The following ABCB1 variants were observed in gnomAD, a reference collection of about 807,000 sequenced individuals.
ABCB1 encodes ATP binding cassette subfamily B member 1, also known as ATP-dependent translocase ABCB1.
In ABCB1, 69 loss-of-function variants were observed where a neutral mutation model predicts 142.0. The ratio of observed to expected loss-of-function variants is 0.49; its 90% confidence interval spans 0.40 to 0.59. ABCB1 has a LOEUF of 0.59. Ranked by LOEUF, ABCB1 falls within the 20% of genes least tolerant of loss-of-function variation. The pLI is 0.00. For synonymous variants in ABCB1, 532 were observed against 539.2 expected, an observed-to-expected ratio of 0.99 and a Z score of 0.18; for missense variants, 1,326 against 1,554.7, an observed-to-expected ratio of 0.85 and a Z score of 2.47.
intron 1 of ABCB1, among the ~76,000 whole-genome samples, chr7:87,675,516 T>G (rs1245464926): frequency 6.6e-6 from 1 of 151,732 alleles, no homozygotes; most frequent in African/African-American, 2.4e-5. Context: ...CATAGACCAA[T>G]GGAACAAAGT....
At chr7:87,639,277 T>C (rs535915017) in intron 1 of ABCB1, among the ~76,000 whole-genome samples, 2 of 152,226 alleles carry the variant, frequency 1.3e-5, no homozygotes, top group African/African-American at 4.8e-5. Context: ...CTGAAAGATT[T>C]TGAGCTTTTG....
intron 25 of ABCB1, among the ~76,000 whole-genome samples, chr7:87,511,812 G>A (rs1462824847): frequency 6.6e-6 from 1 of 152,168 alleles, no homozygotes; most frequent in Non-Finnish European, 1.5e-5. Context: ...GCACTTCTTG[G>A]GTTATAACCA....
At chr7:87,600,268 C>T in intron 1 of ABCB1, 78 bp from the exon 2 acceptor site, 3 of 1,227,494 alleles carry the variant, frequency 2.4e-6, no homozygotes, top group South Asian at 1.3e-5. Context: ...TCTAGTCCCC[C>T]GTCGAAGCCA....
chr7:87,567,512 C>T (rs1287256599), intron 5 of ABCB1, among the ~76,000 whole-genome samples: 1 of 151,980 alleles, frequency 6.6e-6, no homozygotes, highest in Non-Finnish European at 1.5e-5. Flanking sequence ...AAAGTGGGAT[C>T]AAGAAATGGA....
intron 1 of ABCB1, among the ~76,000 whole-genome samples, chr7:87,660,672 C>T (rs1218502127): frequency 6.6e-6 from 1 of 151,632 alleles, no homozygotes; most frequent in Non-Finnish European, 1.5e-5. Flanking sequence ...TTCTTTGGCT[C>T]TATTATGTTT....
chr7:87,640,016 T>C (rs1822261591), intron 1 of ABCB1, among the ~76,000 whole-genome samples: 1 of 151,060 alleles, frequency 6.6e-6, no homozygotes, highest in African/African-American at 2.4e-5. Flanking sequence ...TTTTACTTTG[T>C]GAACTTGTGA....
At chr7:87,574,207 GAC>G (rs551796276) in intron 4 of ABCB1, among the ~76,000 whole-genome samples, 3 of 152,248 alleles carry the variant, frequency 2.0e-5, no homozygotes, top group African/African-American at 7.2e-5. Context: ...GACCTAGAGA[GAC>G]ACGGAAGGAA....
At chr7:87,563,080 T>C (rs1199702068) in intron 7 of ABCB1, among the ~76,000 whole-genome samples, 1 of 152,170 alleles carries the variant, frequency 6.6e-6, no homozygotes, top group Non-Finnish European at 1.5e-5. Context: ...GATAAATTAC[T>C]GAACACATAC....
chr7:87,561,416 A>T, intron 7 of ABCB1, 29 bp from the exon 8 acceptor site: 1 of 1,584,330 alleles, frequency 6.3e-7, no homozygotes, highest in Middle Eastern at 1.7e-4. Context: ...TTGGATCATG[A>T]AAAAAACACG....
At position 87,629,838 on chromosome 7, in the gene ABCB1, A is replaced by G. The variant is rs1048090928; in HGVS notation, c.-330-28760T>C. On this transcript the variant is annotated intron_variant, in intron 1 of 28. Transcript: ENST00000265724. ...CTACTCGGGAGGGTGAGGCAGGAGA[A>G]TCGATTGAACCTGGGAGGCGGTTGC... Among the ~76,000 whole-genome samples the G allele has an allele frequency of 5.3e-5, 8 of 151,856 alleles. No homozygotes were observed. The East Asian group carries it at 1.5e-3, about 29-fold the overall frequency.
At position 87,520,924 on chromosome 7, in the gene ABCB1, G is replaced by T. The variant is rs375564203; in HGVS notation, c.2686-48C>A. Reference sequence around the variant, plus strand: ...CCAAGAGGCACAAGAGTAAATAGTGGTGATTAATTTGAATTCTATAAAACA... The same window carrying T: ...CCAAGAGGCACAAGAGTAAATAGTGTTGATTAATTTGAATTCTATAAAACA... On this transcript the variant is annotated intron_variant, in intron 21 of 27. Coordinates refer to ENST00000622132, the MANE Select transcript of ABCB1 (RefSeq NM_001348946.2). 1.4e-5 allele frequency: 20 copies of T among 1,390,492 alleles called. No homozygotes were observed. The African/African-American group carries it at 2.1e-4, about 15-fold the overall frequency. The allele number at this position is 1,390,492 out of a possible 1,614,324, so 86.1% of individuals were successfully genotyped here.
At chr7:87,573,996 C>G (rs1486869006) in intron 4 of ABCB1, among the ~76,000 whole-genome samples, 2 of 152,050 alleles carry the variant, frequency 1.3e-5, no homozygotes, top group African/African-American at 4.8e-5. Flanking sequence ...TAAGCTCCAC[C>G]CTTTAGACTG....
intron 20 of ABCB1, among the ~76,000 whole-genome samples, chr7:87,534,001 T>A (rs1816174366): frequency 6.6e-6 from 1 of 152,120 alleles, no homozygotes; most frequent in African/African-American, 2.4e-5. Context: ...AGCAGAAGGT[T>A]GACCCCAGCA....
chr7:87,513,806 A>C (rs997215969), intron 25 of ABCB1, among the ~76,000 whole-genome samples: 9 of 152,244 alleles, frequency 5.9e-5, no homozygotes, highest in Admixed American at 4.6e-4. Context: ...TTGAGGGCAG[A>C]TATCATGCCC....
chr7:87,538,255 T>C (rs747545082), intron 19 of ABCB1, among the ~76,000 whole-genome samples: 2 of 152,228 alleles, frequency 1.3e-5, no homozygotes, highest in Non-Finnish European at 2.9e-5. Context: ...AGTGTAGACC[T>C]AAGTGGAATC....
chr7:87,635,250 A>G (rs1019052394), intron 1 of ABCB1, among the ~76,000 whole-genome samples: 4 of 152,114 alleles, frequency 2.6e-5, no homozygotes, highest in South Asian at 2.1e-4. Context: ...TCTATCCCCA[A>G]CTGCTTTTAC....
intron 1 of ABCB1, among the ~76,000 whole-genome samples, chr7:87,620,523 C>A (rs904999065): frequency 6.6e-6 from 1 of 152,040 alleles, no homozygotes; most frequent in Non-Finnish European, 1.5e-5. Context: ...CATTTGAATC[C>A]GTTGCATGAG....
At chr7:87,611,513 G>A (rs887090060) in intron 1 of ABCB1, among the ~76,000 whole-genome samples, 1 of 151,646 alleles carries the variant, frequency 6.6e-6, no homozygotes, top group East Asian at 1.9e-4. Context: ...TTAGGATAAT[G>A]GCCTCCAGCT....
intron 5 of ABCB1, among the ~76,000 whole-genome samples, chr7:87,568,234 A>AATAATAATAAT: frequency 6.9e-6 from 1 of 144,666 alleles, no homozygotes; most frequent in Non-Finnish European, 1.5e-5. Flanking sequence ...TCTCTACTAA[A>AATAATAATAAT]AATACGACAA....
Sources: allele counts gnomAD v4.1 joint callset (sites outside exome capture counted in the v4.1 genomes callset), GRCh38; gene constraint gnomAD v4.1.1; transcripts MANE v1.5; gene names NCBI Gene and HGNC (gene_info 2026-07-23, HGNC 2026-07-21).